The following KCNN3 variants were observed in gnomAD, a reference collection of about 807,000 sequenced individuals.
KCNN3 encodes the protein potassium calcium-activated channel subfamily N member 3, also known as small conductance calcium-activated potassium channel protein 3.
In KCNN3, 16 loss-of-function variants were observed where a neutral mutation model predicts 62.9. The observed-to-expected ratio is 0.25, with a 90% CI of 0.17 to 0.39. The LOEUF is 0.39. Ranked by LOEUF, KCNN3 falls within the 10% of genes least tolerant of loss-of-function variation. KCNN3 has a pLI of 1.00. For synonymous variants in KCNN3, 370 were observed against 389.2 expected, an observed-to-expected ratio of 0.95 and a Z score of 0.58; for missense variants, 599 against 949.4, an observed-to-expected ratio of 0.63 and a Z score of 4.85.
intron 1 of KCNN3, among the ~76,000 whole-genome samples, chr1:154,827,543 A>G (rs1651189532): frequency 6.6e-6 from 1 of 152,186 alleles, no homozygotes; most frequent in South Asian, 2.1e-4. Context: ...TCACGCCTGT[A>G]AGTCCAACAC....
chr1:154,720,574 GAAAAT>G (rs72339660), intron 5 of KCNN3, among the ~76,000 whole-genome samples: 27,955 of 152,126 alleles, frequency 0.18, 2,578 homozygotes, highest in Middle Eastern at 0.33. Flanking sequence ...GCCTGCTGAA[GAAAAT>G]TTTCTTCTAG....
Position 154,869,338 on chromosome 1 carries a change from C to T in KCNN3, c.627G>A (p.Gln209=), listed in dbSNP as rs752167486. 12 of 1,613,874 alleles carry T rather than the reference C, an allele frequency of 7.4e-6. No individual in the cohort carries two copies. The highest frequency in any genetic ancestry group is 1.0e-5 in the Non-Finnish European group (12 of 1,179,818). Residue 209 remains glutamine (Q), a synonymous_variant, in exon 1 of 8, where the codon CAG becomes CAA. Transcript: ENST00000271915. The surrounding 1 kb of genome is among the most constrained non-coding windows in gnomAD (Gnocchi z 6.1). ...CCGGGGGGTTGCTAGGGCTGAAAAG[C>T]TGGAGGGGTTGGCCCTCAGTCTCGG... ...IEAETEGQPL[Q]LFSPSNPPEI...
intron 3 of KCNN3, among the ~76,000 whole-genome samples, chr1:154,740,284 T>C (rs559277112): frequency 7.9e-5 from 12 of 152,322 alleles, no homozygotes; most frequent in African/African-American, 2.9e-4. Context: ...TATTGACTTA[T>C]TGTTATTGTA....
chr1:154,827,951 G>A lies in KCNN3; in HGVS notation c.934-5767C>T, dbSNP rs145979985. 4.0e-3 allele frequency among the ~76,000 whole-genome samples: 614 copies of A among 152,272 alleles called. 4 individuals are homozygous for A. The highest frequency in any genetic ancestry group is 0.014 in the African/African-American group (571 of 41,550). On this transcript the variant is annotated intron_variant, in intron 1 of 7. Transcript: ENST00000271915. ...TCACTAATGAATGAAGTGACAGAAT[G>A]AAGTCACTCAGACCCTCTCTCTCCC...
At chr1:154,732,586 T>C (rs768170719) in intron 4 of KCNN3, among the ~76,000 whole-genome samples, 1 of 152,094 alleles carries the variant, frequency 6.6e-6, no homozygotes, top group Non-Finnish European at 1.5e-5. Flanking sequence ...CAGCTAAACA[T>C]GATCAGAAAT....
At chr1:154,812,356 C>A (rs1408057630) in intron 2 of KCNN3, among the ~76,000 whole-genome samples, 1 of 151,920 alleles carries the variant, frequency 6.6e-6, no homozygotes, top group Non-Finnish European at 1.5e-5. Flanking sequence ...TGTGCTGCAC[C>A]CATTAACTCG....
chr1:154,775,970 A>C (rs189200674), intron 2 of KCNN3, among the ~76,000 whole-genome samples: 26 of 152,030 alleles, frequency 1.7e-4, no homozygotes, highest in Non-Finnish European at 3.5e-4. Context: ...GGAAGCAACG[A>C]GTAACAGATT....
rs1333601924 is a variant in KCNN3, at chr1:154,703,289, CTAATGTT to C, written c.*4680_*4686del. On this transcript the variant is annotated 3_prime_UTR_variant, in exon 8 of 8. Coordinates refer to ENST00000271915, the MANE Select transcript of KCNN3 (RefSeq NM_002249.6). ...CAGTGGTGTTAATGATCCCATTTCC[CTAATGTT>C]TATTTTGGCGGCAGTAGAGAAGGAA... The C allele has an allele frequency of 6.6e-6, 1 of 152,066 alleles. No homozygotes were observed. The highest frequency in any genetic ancestry group is 1.5e-5 in the Non-Finnish European group (1 of 68,018). 9.4% of individuals were successfully genotyped at this position (152,066 alleles called of 1,614,324 possible).
At chr1:154,853,056 C>A (rs563952652) in intron 1 of KCNN3, among the ~76,000 whole-genome samples, 33 of 152,300 alleles carry the variant, frequency 2.2e-4, no homozygotes, top group African/African-American at 7.5e-4. Context: ...GTGGCGTAAT[C>A]ACAGCTCACT....
rs1699921283 is a variant in KCNN3 at position 154,704,211 on chromosome 1, C to T, written c.*3765G>A. 6.6e-6 allele frequency: 1 copy of T among 152,224 alleles called. No homozygotes were observed. The highest frequency in any genetic ancestry group is 1.5e-5 in the Non-Finnish European group (1 of 68,036). 9.4% of individuals were successfully genotyped at this position (152,224 alleles called of 1,614,324 possible). A position where few individuals can be genotyped will look rare whatever the true frequency, so the allele number is the denominator to read the frequency against. ...TCTCCTAATTCACAAGATTGTTGTT[C>T]TACCACTGGCCCCTGCTGAGGTCGG... On this transcript the variant is annotated 3_prime_UTR_variant, in exon 8 of 8. Coordinates refer to ENST00000271915, the MANE Select transcript of KCNN3 (RefSeq NM_002249.6).
At chr1:154,823,375 G>A (rs1650983716) in intron 1 of KCNN3, among the ~76,000 whole-genome samples, 1 of 152,224 alleles carries the variant, frequency 6.6e-6, no homozygotes, top group Non-Finnish European at 1.5e-5. Context: ...CCCTTCCTCA[G>A]GGAGCTGGTC....
chr1:154,728,153 TGC>T (rs146553555), intron 4 of KCNN3, among the ~76,000 whole-genome samples: 2,922 of 152,304 alleles, frequency 0.019, 92 homozygotes, highest in African/African-American at 0.067. Flanking sequence ...TCACAGCGCT[TGC>T]CATGGCCCAC....
intron 1 of KCNN3, among the ~76,000 whole-genome samples, chr1:154,839,006 C>CTTCT (rs1651714791): frequency 6.6e-6 from 1 of 152,176 alleles, no homozygotes; most frequent in Admixed American, 6.5e-5. Flanking sequence ...GCTGATCTGC[C>CTTCT]TTCTGCTCTC....
intron 5 of KCNN3, among the ~76,000 whole-genome samples, chr1:154,717,447 G>A (rs1700255003): frequency 6.6e-6 from 1 of 152,174 alleles, no homozygotes; most frequent in South Asian, 2.1e-4. Flanking sequence ...GTCAAAACAA[G>A]AGCCACGTCC....
intron 2 of KCNN3, among the ~76,000 whole-genome samples, chr1:154,816,664 C>A (rs1203245298): frequency 6.6e-6 from 1 of 152,216 alleles, no homozygotes; most frequent in Non-Finnish European, 1.5e-5. Context: ...CCCTTCCTCA[C>A]TCCTGCCCCA....
intron 1 of KCNN3, among the ~76,000 whole-genome samples, chr1:154,865,525 A>G (rs1652918185): frequency 6.6e-6 from 1 of 152,194 alleles, no homozygotes; most frequent in East Asian, 1.9e-4. Context: ...TCCCTGCTCC[A>G]GGCTGATGCC....
At chr1:154,766,902 C>T (rs1648320179) in intron 3 of KCNN3, among the ~76,000 whole-genome samples, 1 of 151,980 alleles carries the variant, frequency 6.6e-6, no homozygotes, top group South Asian at 2.1e-4. Flanking sequence ...AGGATGGTCT[C>T]GATCTCCTGA....
chr1:154,826,046 TAAAAAAAAACAA>T (rs1260771011), intron 1 of KCNN3, among the ~76,000 whole-genome samples: 1 of 86,158 alleles, frequency 1.2e-5, no homozygotes, highest in African/African-American at 5.5e-5. Flanking sequence ...GACTCCATCT[TAAAAAAAAACAA>T]AAACAAAAAC....
chr1:154,830,883 A>C (rs1318229520), intron 1 of KCNN3, among the ~76,000 whole-genome samples: 1 of 152,222 alleles, frequency 6.6e-6, no homozygotes. Context: ...CACGCTCCCA[A>C]AATATCAAGT....
Sources: allele counts gnomAD v4.1 joint callset (sites outside exome capture counted in the v4.1 genomes callset), GRCh38; gene constraint gnomAD v4.1.1; non-coding constraint Gnocchi (gnomAD v3.1); transcripts MANE v1.5; gene names NCBI Gene and HGNC (gene_info 2026-07-23, HGNC 2026-07-21).